The following RALYL variants were observed in gnomAD, a reference collection of about 807,000 sequenced individuals.
The protein encoded by RALYL is RNA-binding Raly-like protein.
A neutral mutation model predicts 35.1 loss-of-function variants in RALYL; 29 were observed. That is an observed-to-expected ratio of 0.83 (90% CI 0.61 to 1.13). The LOEUF (loss-of-function observed/expected upper bound fraction) is 1.13, where lower values mean the gene tolerates loss of function less well. Ranked by LOEUF, RALYL falls within the 50% of genes most tolerant of loss-of-function variation. The pLI is 0.00. For synonymous variants in RALYL, 120 were observed against 127.6 expected (o/e 0.94, Z 0.40); for missense variants, 359 against 360.4 (o/e 1.00, Z 0.03).
intron 2 of RALYL, among the ~76,000 whole-genome samples, chr8:84,713,799 A>T (rs1842551357): frequency 1.3e-5 from 2 of 151,654 alleles, no homozygotes; most frequent in South Asian, 4.1e-4. Flanking sequence ...TTATAGCAGA[A>T]TTACTCACAA....
intron 2 of RALYL, among the ~76,000 whole-genome samples, chr8:84,550,775 A>G (rs1187963302): frequency 6.6e-6 from 1 of 151,910 alleles, no homozygotes; most frequent in African/African-American, 2.4e-5. Flanking sequence ...AAAGTAAATT[A>G]AGGCTCATTA....
intron 1 of RALYL, among the ~76,000 whole-genome samples, chr8:84,366,016 C>A (rs1446213351): frequency 1.3e-5 from 2 of 152,138 alleles, no homozygotes; most frequent in Non-Finnish European, 2.9e-5. Flanking sequence ...GTTCTTAATT[C>A]TTTGTATCAC....
chr8:84,723,317 T>C (rs148689541), intron 2 of RALYL, among the ~76,000 whole-genome samples: 1 of 152,126 alleles, frequency 6.6e-6, no homozygotes, highest in African/African-American at 2.4e-5. Flanking sequence ...CTTAATTTAA[T>C]AAGTATAAAT....
At chr8:84,247,973 G>A (rs1829442512) in intron 1 of RALYL, among the ~76,000 whole-genome samples, 1 of 152,066 alleles carries the variant, frequency 6.6e-6, no homozygotes. Flanking sequence ...TCTGTCAAGT[G>A]GAAAATTAGT....
At chr8:84,891,565 A>G (rs1257513119) in intron 8 of RALYL, among the ~76,000 whole-genome samples, 1 of 152,216 alleles carries the variant, frequency 6.6e-6, no homozygotes, top group Non-Finnish European at 1.5e-5. Context: ...GGAGGTACTC[A>G]TCAGGTTTTC....
chr8:84,750,432 T>C (rs910257693), intron 2 of RALYL, among the ~76,000 whole-genome samples: 55 of 152,156 alleles, frequency 3.6e-4, no homozygotes, highest in African/African-American at 1.2e-3. Context: ...CCTTGTGTGA[T>C]GGCCTCTGGC....
chr8:84,593,003 A>G (rs1434760231), intron 2 of RALYL, among the ~76,000 whole-genome samples: 1 of 152,136 alleles, frequency 6.6e-6, no homozygotes, highest in Non-Finnish European at 1.5e-5. Context: ...CTCCAAAAGT[A>G]TATTAGAGCA....
intron 1 of RALYL, among the ~76,000 whole-genome samples, chr8:84,348,617 C>T (rs537089936): frequency 3.9e-5 from 6 of 152,154 alleles, no homozygotes; most frequent in African/African-American, 9.6e-5. Flanking sequence ...ACTGCTTTAT[C>T]GACCGTAAAC....
At chr8:84,596,402 A>T (rs143029938) in intron 2 of RALYL, among the ~76,000 whole-genome samples, 1 of 152,270 alleles carries the variant, frequency 6.6e-6, no homozygotes, top group East Asian at 1.9e-4. Flanking sequence ...CTTCTCTGAC[A>T]CCTGGTTTTA....
intron 8 of RALYL, among the ~76,000 whole-genome samples, chr8:84,916,601 T>C (rs538273263): frequency 4.9e-4 from 74 of 152,196 alleles, no homozygotes; most frequent in African/African-American, 1.7e-3. Flanking sequence ...CCTCCTTGCC[T>C]TCTGCCATGA....
chr8:84,376,871 A>T (rs538398389), intron 1 of RALYL, among the ~76,000 whole-genome samples: 36 of 151,974 alleles, frequency 2.4e-4, no homozygotes, highest in African/African-American at 6.7e-4. Context: ...TGTAACAAAG[A>T]TGAGTGCCAA....
intron 1 of RALYL, among the ~76,000 whole-genome samples, chr8:84,282,587 C>T (rs1178721004): frequency 6.6e-6 from 1 of 151,886 alleles, no homozygotes; most frequent in Non-Finnish European, 1.5e-5. Flanking sequence ...CAAAATTTTG[C>T]AAGGTCCTGT....
intron 1 of RALYL, among the ~76,000 whole-genome samples, chr8:84,278,950 A>G (rs1421689730): frequency 1.3e-5 from 2 of 152,132 alleles, no homozygotes; most frequent in Non-Finnish European, 2.9e-5. Flanking sequence ...TTATAGTAGC[A>G]CCTCACTCCT....
intron 1 of RALYL, among the ~76,000 whole-genome samples, chr8:84,254,902 A>G (rs1052637506): frequency 1.3e-5 from 2 of 152,072 alleles, no homozygotes; most frequent in Non-Finnish European, 2.9e-5. Context: ...CTACCAAACA[A>G]TCATAAAACC....
intron 2 of RALYL, among the ~76,000 whole-genome samples, chr8:84,765,944 G>T (rs1813838496): frequency 6.6e-6 from 1 of 151,934 alleles, no homozygotes. Context: ...TGATAGTGTG[G>T]ATGTCCTATT....
At chr8:84,636,884 G>GA (rs1465926771) in intron 2 of RALYL, among the ~76,000 whole-genome samples, 2 of 151,828 alleles carry the variant, frequency 1.3e-5, no homozygotes, top group East Asian at 3.9e-4. Context: ...GTTTCTTGCA[G>GA]AAAAACTCCC....
chr8:84,697,874 A>G (rs917960411), intron 2 of RALYL, among the ~76,000 whole-genome samples: 2 of 152,082 alleles, frequency 1.3e-5, no homozygotes, highest in Admixed American at 1.3e-4. Context: ...GGTAAGTATC[A>G]GAATGCATTC....
At chr8:84,769,398 C>G (rs1814877811) in intron 2 of RALYL, among the ~76,000 whole-genome samples, 1 of 152,110 alleles carries the variant, frequency 6.6e-6, no homozygotes, top group South Asian at 2.1e-4. Context: ...AATAATCCAC[C>G]CACAACATGT....
chr8:84,732,038 T>C (rs150558701), intron 2 of RALYL, among the ~76,000 whole-genome samples: 5 of 152,300 alleles, frequency 3.3e-5, no homozygotes, highest in African/African-American at 1.2e-4. Context: ...TGTGACTTCC[T>C]CAGGAGTCTT....
Sources: gnomAD v4.1 joint callset for allele counts (sites outside exome capture counted in the v4.1 genomes callset) on GRCh38, gnomAD v4.1.1 for gene constraint, MANE v1.5 for transcripts, NCBI Gene and HGNC (gene_info 2026-07-23, HGNC 2026-07-21) for gene names.